The following TMEM108 variants were observed in gnomAD, a reference collection of about 807,000 sequenced individuals.
The protein encoded by TMEM108 is cancer/testis antigen 124.
TMEM108 carries 12 observed loss-of-function variants against 35.1 expected under a neutral mutation model. The ratio of observed to expected loss-of-function variants is 0.34; its 90% CI spans 0.22 to 0.55. The LOEUF (loss-of-function observed/expected upper bound fraction) is 0.55, where lower values mean the gene tolerates loss of function less well. Among genes scored for constraint, TMEM108 ranks in the 20% least tolerant of loss-of-function variants. TMEM108 has a pLI of 0.89. For synonymous variants in TMEM108, 287 were observed against 308.6 expected (o/e 0.93, Z 0.73); for missense variants, 680 against 753.3 (o/e 0.90, Z 1.14).
At chr3:133,126,344 G>C (rs977635890) in intron 2 of TMEM108, among the ~76,000 whole-genome samples, 5 of 151,972 alleles carry the variant, frequency 3.3e-5, no homozygotes, top group Admixed American at 6.6e-5. Flanking sequence ...GCGAGCACCT[G>C]TAGTACCAGC....
chr3:133,197,406 A>T (rs945462708), intron 2 of TMEM108, among the ~76,000 whole-genome samples: 1 of 152,110 alleles, frequency 6.6e-6, no homozygotes, highest in African/African-American at 2.4e-5. Flanking sequence ...AATGGCCAAC[A>T]TAGGGGTGTG....
intron 2 of TMEM108, among the ~76,000 whole-genome samples, chr3:133,083,704 T>A (rs1225339806): frequency 6.6e-6 from 1 of 152,204 alleles, no homozygotes; most frequent in Non-Finnish European, 1.5e-5. Context: ...AAGACAATGG[T>A]ATTTCTGTTT....
chr3:133,112,205 T>A (rs973067768), intron 2 of TMEM108, among the ~76,000 whole-genome samples: 1 of 152,218 alleles, frequency 6.6e-6, no homozygotes, highest in East Asian at 1.9e-4. Context: ...AAAATGATGG[T>A]CATGGATACC....
intron 2 of TMEM108, among the ~76,000 whole-genome samples, chr3:133,198,044 C>T (rs1247708362): frequency 6.6e-6 from 1 of 152,154 alleles, no homozygotes; most frequent in African/African-American, 2.4e-5. Context: ...AGAAAAGTCT[C>T]TGAGAGATGT....
At chr3:133,306,356 C>T (rs1273968295) in intron 3 of TMEM108, among the ~76,000 whole-genome samples, 1 of 151,732 alleles carries the variant, frequency 6.6e-6, no homozygotes, top group Non-Finnish European at 1.5e-5. Flanking sequence ...GTTGAAAAGA[C>T]TTTTCCCTCC....
chr3:133,061,473 A>T (rs1252005020), intron 2 of TMEM108, among the ~76,000 whole-genome samples: 1 of 152,070 alleles, frequency 6.6e-6, no homozygotes, highest in Non-Finnish European at 1.5e-5. Flanking sequence ...TCGGCCTCCC[A>T]AAGTGCTGGG....
rs181698759 is a variant in TMEM108, at chr3:133,094,419, G to A, written c.-47+48399G>A. Among the ~76,000 whole-genome samples, 228 of 152,138 alleles carry A rather than the reference G, an allele frequency of 1.5e-3. 1 individual carries two copies. The highest frequency in any genetic ancestry group is 5.4e-3 in the African/African-American group (223 of 41,510). ...TCTCTTCTAAAAAATGAGGACTTAG[G>A]TCACAGAATCTTCAAGAATCACAAA... On this transcript the variant is annotated intron_variant, in intron 2 of 5. Coordinates refer to ENST00000321871, the MANE Select transcript of TMEM108 (RefSeq NM_023943.4).
intron 2 of TMEM108, among the ~76,000 whole-genome samples, chr3:133,174,926 GA>G (rs566409725): frequency 0.016 from 2,456 of 151,918 alleles, 71 homozygotes; most frequent in African/African-American, 0.055. Flanking sequence ...TAAAAACCTT[GA>G]AAAAAAATTA....
At chr3:133,125,820 CCTT>C (rs1944408394) in intron 2 of TMEM108, among the ~76,000 whole-genome samples, 1 of 152,070 alleles carries the variant, frequency 6.6e-6, no homozygotes, top group Admixed American at 6.5e-5. Flanking sequence ...ATTGCTGTTT[CCTT>C]CTTATGTGGT....
chr3:133,378,686 A>G (rs1392151672), intron 3 of TMEM108: 1 of 221,906 alleles, frequency 4.5e-6, no homozygotes, highest in African/African-American at 2.3e-5. Context: ...AAATAGGCAC[A>G]TGCTATTGTG....
Position 133,211,994 on chromosome 3 carries a change from A to AT in TMEM108, c.-46-17265dup, listed in dbSNP as rs980826968. 3.9e-5 allele frequency among the ~76,000 whole-genome samples: 6 copies of AT among 152,196 alleles called. No homozygotes were observed. In the South Asian group the frequency reaches 8.3e-4, roughly 21 times the overall value. ...AGAAAGGAGCTCTATTACAGGTGGG[A>AT]TTTTTTTCCCCCTTGAAAATATCCT... On this transcript the variant is annotated intron_variant, in intron 2 of 5. Coordinates refer to ENST00000321871, the MANE Select transcript of TMEM108 (RefSeq NM_023943.4).
chr3:133,123,034 A>C (rs913696277), intron 2 of TMEM108, among the ~76,000 whole-genome samples: 9 of 152,204 alleles, frequency 5.9e-5, no homozygotes, highest in Admixed American at 2.6e-4. Flanking sequence ...ACAAGCACAC[A>C]TACACGTATA....
rs1437254898 is a variant in TMEM108 at position 133,342,544 on chromosome 3, G to GTGTATA, written c.41-37207_41-37206insGTATAT. Among the ~76,000 whole-genome samples, 53 of 46,656 alleles carry GTGTATA rather than the reference G, an allele frequency of 1.1e-3. 9 individuals carry two copies. The highest frequency in any genetic ancestry group is 5.2e-3 in the Admixed American group (28 of 5,374). The allele number at this position is 46,656 out of a possible 152,430, so 30.6% of individuals were successfully genotyped here. On this transcript the variant is annotated intron_variant, in intron 3 of 5. Transcript: ENST00000321871. ...TAAAAAAGTTAAAAAAGAAAATGTG[G>GTGTATA]TATATATATATACACACACACACAC...
At chr3:133,255,940 G>A (rs1339939989) in intron 3 of TMEM108, among the ~76,000 whole-genome samples, 1 of 152,188 alleles carries the variant, frequency 6.6e-6, no homozygotes, top group Non-Finnish European at 1.5e-5. Context: ...AGTGAGCCGA[G>A]ATCATGCCAC....
intron 2 of TMEM108, among the ~76,000 whole-genome samples, chr3:133,173,038 T>C (rs1945153728): frequency 6.6e-6 from 1 of 152,178 alleles, no homozygotes; most frequent in Non-Finnish European, 1.5e-5. Flanking sequence ...ATCTCTTTCT[T>C]TTGTAATTGC....
Position 133,237,615 on chromosome 3 carries a change from T to G in TMEM108, c.40+8264T>G, listed in dbSNP as rs116027487. Among the ~76,000 whole-genome samples, 290 of 152,268 alleles carry G rather than the reference T, an allele frequency of 1.9e-3. 2 individuals are homozygous for G. Among genetic ancestry groups the G allele is most frequent in the African/African-American group, 6.5e-3 (271 of 41,544 alleles). ...ACAAGAAGTCTGTGAGGCCCTTCTT[T>G]TTCCAACTATACATATTTATAAAGC... On this transcript the variant is annotated intron_variant, in intron 3 of 5. Coordinates refer to ENST00000321871, the MANE Select transcript of TMEM108 (RefSeq NM_023943.4).
At chr3:133,352,289 A>T (rs2072026836) in intron 3 of TMEM108, among the ~76,000 whole-genome samples, 1 of 152,134 alleles carries the variant, frequency 6.6e-6, no homozygotes, top group Non-Finnish European at 1.5e-5. Context: ...GATAGGAAAA[A>T]CCAAACTGCT....
intron 3 of TMEM108, among the ~76,000 whole-genome samples, chr3:133,335,481 T>C (rs112084243): frequency 1.5e-4 from 23 of 152,210 alleles, no homozygotes; most frequent in African/African-American, 5.5e-4. Context: ...TACTATAACA[T>C]AGCACAGAAA....
chr3:133,110,441 G>T (rs967172947), intron 2 of TMEM108, among the ~76,000 whole-genome samples: 1 of 152,146 alleles, frequency 6.6e-6, no homozygotes, highest in African/African-American at 2.4e-5. Context: ...ATTCTAAGAG[G>T]ATTACATCCT....
Sources: gnomAD v4.1 joint callset for allele counts (sites outside exome capture counted in the v4.1 genomes callset) on GRCh38, gnomAD v4.1.1 for gene constraint, MANE v1.5 for transcripts, NCBI Gene and HGNC (gene_info 2026-07-23, HGNC 2026-07-21) for gene names.